PGS1: variants seen among roughly 807,000 people sequenced by gnomAD.
PGS1 encodes the protein phosphatidylglycerophosphate synthase 1, also known as CDP-diacylglycerol--glycerol-3-phosphate 3-phosphatidyltransferase, mitochondrial.
PGS1 carries 44 observed loss-of-function variants against 58.3 expected under a neutral mutation model. The ratio of observed to expected loss-of-function variants is 0.75; its 90% CI spans 0.59 to 0.97. The LOEUF (loss-of-function observed/expected upper bound fraction) is 0.97, where lower values mean the gene tolerates loss of function less well. Ranked by LOEUF, PGS1 falls within the 50% of genes least tolerant of loss-of-function variation. The pLI, the probability that PGS1 is intolerant of heterozygous loss-of-function variation, is 0.00. For missense variants in PGS1, 684 were observed against 731.1 expected, an observed-to-expected ratio of 0.94 and a Z score of 0.74; for synonymous variants, 330 against 311.0, an observed-to-expected ratio of 1.06 and a Z score of -0.64.
chr17:78,389,053 CTTTTTT>C (rs5822252), intron 1 of PGS1, among the ~76,000 whole-genome samples: 2 of 96,002 alleles, frequency 2.1e-5, no homozygotes, highest in Admixed American at 2.8e-4. Flanking sequence ...CCTCTTCTTC[CTTTTTT>C]TTTTTTTTTT....
intron 1 of PGS1, among the ~76,000 whole-genome samples, chr17:78,382,162 G>A (rs763583479): frequency 3.3e-5 from 5 of 152,112 alleles, no homozygotes; most frequent in Non-Finnish European, 7.3e-5. Context: ...GGACTGCAGC[G>A]AAAGGCAATT....
intron 9 of PGS1, 60 bp downstream of exon 9, chr17:78,419,735 G>C: frequency 1.2e-6 from 2 of 1,601,022 alleles, no homozygotes; most frequent in Non-Finnish European, 1.7e-6. Flanking sequence ...GGTGGGGCAG[G>C]TGGTTGTTCT....
At chr17:78,380,460 T>G (rs1341210013) in intron 1 of PGS1, among the ~76,000 whole-genome samples, 1 of 152,356 alleles carries the variant, frequency 6.6e-6, no homozygotes, top group Non-Finnish European at 1.5e-5. Flanking sequence ...CAGGGCAGGA[T>G]GGCGCTCTTG....
chr17:78,394,228 C>G (rs2083055115), intron 2 of PGS1, among the ~76,000 whole-genome samples: 1 of 145,890 alleles, frequency 6.9e-6, no homozygotes, highest in Non-Finnish European at 1.5e-5. Flanking sequence ...GCCAGGCAAG[C>G]AGGTAGAATG....
intron 9 of PGS1, among the ~76,000 whole-genome samples, chr17:78,423,488 G>GCA (rs2086146222): frequency 2.6e-5 from 4 of 152,186 alleles, no homozygotes; most frequent in Admixed American, 6.5e-5. Context: ...TGGTTTGCAT[G>GCA]AAGCATCAGG....
intron 2 of PGS1, among the ~76,000 whole-genome samples, chr17:78,395,561 C>T (rs1269992302): frequency 6.6e-6 from 1 of 152,110 alleles, no homozygotes; most frequent in African/African-American, 2.4e-5. Context: ...TCTTTGTACC[C>T]CTGCCTCCTT....
At chr17:78,393,815 C>T (rs1454422586) in intron 2 of PGS1, among the ~76,000 whole-genome samples, 3 of 152,216 alleles carry the variant, frequency 2.0e-5, no homozygotes, top group East Asian at 1.9e-4. Flanking sequence ...TTAAACTGCT[C>T]ATTGGAATGA....
chr17:78,387,303 CT>C (rs552622170), intron 1 of PGS1, among the ~76,000 whole-genome samples: 133 of 144,384 alleles, frequency 9.2e-4, no homozygotes, highest in Admixed American at 1.1e-3. Flanking sequence ...TGCGCCCAGC[CT>C]TTTTTTTTTT....
chr17:78,412,470 G>T (rs2084799338), intron 7 of PGS1, among the ~76,000 whole-genome samples: 1 of 152,220 alleles, frequency 6.6e-6, no homozygotes, highest in African/African-American at 2.4e-5. Flanking sequence ...TCAGGAATGA[G>T]CAATAGATGG....
At chr17:78,397,396 G>GGCCCA (rs2083310188) in intron 3 of PGS1, among the ~76,000 whole-genome samples, 1 of 151,776 alleles carries the variant, frequency 6.6e-6, no homozygotes. Flanking sequence ...GGTGCAGTGG[G>GGCCCA]TTCACACCTC....
chr17:78,424,058 C>T lies in PGS1; in HGVS notation c.*11-3C>T, dbSNP rs773868447. 6.2e-7 allele frequency: 1 copy of T among 1,614,052 alleles called. No homozygotes were observed. Among genetic ancestry groups the T allele is most frequent in the Non-Finnish European group, 8.5e-7 (1 of 1,179,898 alleles). ...ATGTTCTTGGTCTCCATGCGGTCCACAGGAATGGCCTTGATGAAGATGACA... is the reference window on the plus strand; with the variant it reads ...ATGTTCTTGGTCTCCATGCGGTCCATAGGAATGGCCTTGATGAAGATGACA... On this transcript the variant is annotated splice_region_variant and splice_polypyrimidine_tract_variant and intron_variant, in intron 9 of 9. Transcript: ENST00000262764.
rs141567360 is a variant in PGS1, at chr17:78,416,658, C to G, written c.1551+1631C>G. 8.1e-3 allele frequency among the ~76,000 whole-genome samples: 1,234 copies of G among 152,334 alleles called. 11 individuals are homozygous for G. The highest frequency in any genetic ancestry group is 0.012 in the Non-Finnish European group (845 of 68,024). Reference sequence around the variant, plus strand: ...GGATATTTTCTTTTTCTTCCCAAACCTGAATCTCAGGGGCTTTTGCCTGTG... The same window carrying G: ...GGATATTTTCTTTTTCTTCCCAAACGTGAATCTCAGGGGCTTTTGCCTGTG... On this transcript the variant is annotated intron_variant, in intron 8 of 9. Coordinates refer to ENST00000262764, the MANE Select transcript of PGS1 (RefSeq NM_024419.5).
rs777921372 is a variant in PGS1 at position 78,398,300 on chromosome 17, C to G, written c.460C>G (p.Pro154Ala). 1.9e-6 allele frequency: 3 copies of G among 1,614,146 alleles called. No individual in the cohort carries two copies. The Admixed American group carries it at 5.0e-5, about 27-fold the overall frequency. Residue 154 changes from proline (P) to alanine (A), a missense_variant, in exon 4 of 10, where the codon CCT (proline) becomes GCT (alanine). Pro to Ala is a conservative substitution (Grantham distance 27). Transcript: ENST00000262764. ...TLEKSLQAKF[P>A]SNLKVSILLD... ...AGAAAAGTCACTCCAAGCAAAGTTT[C>G]CTTCAAATCTCAAGGTCTCCATTCT...
At chr17:78,385,724 C>T (rs1293673080) in intron 1 of PGS1, among the ~76,000 whole-genome samples, 3 of 152,230 alleles carry the variant, frequency 2.0e-5, no homozygotes, top group East Asian at 1.9e-4. Context: ...GCCCGGCCCC[C>T]GGGTTTCTTT....
rs758500915 is a variant in PGS1, at chr17:78,404,062, C to A, written c.1375C>A (p.Arg459=). The change falls in exon 7 of 10, where the codon CGG becomes AGG. Residue 459 remains arginine (R), a synonymous_variant. Transcript: ENST00000262764. ...GCGGGTCCAGCTTCAGGAGTACTGGCGGAGGGGCTGGACGTTCCACGCCAA... is the reference window on the plus strand; with the variant it reads ...GCGGGTCCAGCTTCAGGAGTACTGGAGGAGGGGCTGGACGTTCCACGCCAA... ...QERVQLQEYW[R]RGWTFHAKGL... 6.9e-6 allele frequency: 11 copies of A among 1,595,718 alleles called. No individual in the cohort carries two copies. Among genetic ancestry groups the A allele is most frequent in the Non-Finnish European group, 8.5e-6 (10 of 1,170,142 alleles).
intron 1 of PGS1, among the ~76,000 whole-genome samples, chr17:78,381,664 A>G (rs2082045088): frequency 6.6e-6 from 1 of 152,066 alleles, no homozygotes; most frequent in African/African-American, 2.4e-5. Flanking sequence ...CATGAGCTTG[A>G]ATTATTTTAG....
At position 78,424,137 on chromosome 17, in the gene PGS1, G is replaced by T. The variant is rs371346446; in HGVS notation, c.*87G>T. The T allele has an allele frequency of 2.9e-5, 46 of 1,612,118 alleles. No individual in the cohort carries two copies. In the South Asian group the frequency reaches 4.7e-4, roughly 17 times the overall value. ...GCGCTTCAGCGATGACTCCAGTCTGGGTGTCCCAGCGAGCCCCTGCAGGGA... is the reference window on the plus strand; with the variant it reads ...GCGCTTCAGCGATGACTCCAGTCTGTGTGTCCCAGCGAGCCCCTGCAGGGA... On this transcript the variant is annotated 3_prime_UTR_variant, in exon 10 of 10. Coordinates refer to ENST00000262764, the MANE Select transcript of PGS1 (RefSeq NM_024419.5).
intron 7 of PGS1, among the ~76,000 whole-genome samples, chr17:78,411,756 A>G (rs888515130): frequency 2.6e-5 from 4 of 152,106 alleles, no homozygotes; most frequent in Non-Finnish European, 5.9e-5. Context: ...TGGGAAACAG[A>G]TTTCCCGACA....
At chr17:78,381,899 A>T (rs1567930223) in intron 1 of PGS1, among the ~76,000 whole-genome samples, 1 of 152,196 alleles carries the variant, frequency 6.6e-6, no homozygotes, top group African/African-American at 2.4e-5. Context: ...TAATTTATTC[A>T]TCATGTGTGT....
Sources: gnomAD v4.1 joint callset for allele counts (sites outside exome capture counted in the v4.1 genomes callset) on GRCh38, gnomAD v4.1.1 for gene constraint, MANE v1.5 for transcripts, NCBI Gene and HGNC (gene_info 2026-07-23, HGNC 2026-07-21) for gene names.